The following WDR20 variants were observed in gnomAD, a reference collection of about 807,000 sequenced individuals.
WDR20 encodes WD repeat-containing protein 20.
Under a neutral mutation model 38.7 loss-of-function variants are expected in WDR20, and 3 were observed. The observed-to-expected ratio is 0.08, with a 90% CI of 0.04 to 0.20. WDR20 has a LOEUF of 0.20. WDR20 is among the 10% of genes least tolerant of loss of function. WDR20 has a pLI of 1.00. For missense variants in WDR20, 559 were observed against 727.7 expected, an observed-to-expected ratio of 0.77 and a Z score of 2.67; for synonymous variants, 298 against 285.6, an observed-to-expected ratio of 1.04 and a Z score of -0.44.
intron 1 of WDR20, among the ~76,000 whole-genome samples, chr14:102,185,199 T>G (rs1234119371): frequency 6.6e-6 from 1 of 152,230 alleles, no homozygotes; most frequent in African/African-American, 2.4e-5. Flanking sequence ...AAAGCCCATA[T>G]GATAAGTAGC....
At chr14:102,214,374 C>G (rs527393331), downstream of WDR20, 64 of 985,250 alleles carry the variant, frequency 6.5e-5, no homozygotes, top group Admixed American at 9.2e-4. Context: ...TTAGTCTGGC[C>G]GAAGTGAAGT....
At chr14:102,217,465 GCAAGTGTGGCCCCT>G (rs1273135888), downstream of WDR20, among the ~76,000 whole-genome samples, 1 of 152,210 alleles carries the variant, frequency 6.6e-6, no homozygotes, top group Non-Finnish European at 1.5e-5. Flanking sequence ...TGGCATCTGG[GCAAGTGTGGCCCCT>G]CACTGTCACC....
At chr14:102,214,961 C>T, downstream of WDR20, 2 of 985,038 alleles carry the variant, frequency 2.0e-6, no homozygotes, top group Non-Finnish European at 2.4e-6. Flanking sequence ...TGGGGCTGTC[C>T]TCTGTATACT....
At chr14:102,174,420 T>G (rs1208738170) in intron 1 of WDR20, among the ~76,000 whole-genome samples, 6 of 152,094 alleles carry the variant, frequency 3.9e-5, no homozygotes, top group African/African-American at 1.4e-4. Context: ...TTTTATTTAT[T>G]TATTATTATT....
At chr14:102,142,176 G>A (rs1346745066) in intron 1 of WDR20, among the ~76,000 whole-genome samples, 1 of 152,144 alleles carries the variant, frequency 6.6e-6, no homozygotes, top group Non-Finnish European at 1.5e-5. Context: ...GTGTTTTAAC[G>A]CTTTTTGGGT....
chr14:102,224,208 A>T (rs1458805970), downstream of WDR20, among the ~76,000 whole-genome samples: 1 of 151,746 alleles, frequency 6.6e-6, no homozygotes, highest in Non-Finnish European at 1.5e-5. Context: ...CGCCCGGCTA[A>T]TTTTTGTATT....
intron 2 of WDR20, among the ~76,000 whole-genome samples, chr14:102,199,889 G>A (rs1038141926): frequency 9.2e-5 from 14 of 152,236 alleles, no homozygotes; most frequent in Non-Finnish European, 2.1e-4. Context: ...GAGGTACAAA[G>A]AAGGTAGGAA....
intron 1 of WDR20, among the ~76,000 whole-genome samples, chr14:102,166,766 C>T (rs780395186): frequency 2.0e-5 from 3 of 152,214 alleles, no homozygotes; most frequent in Non-Finnish European, 4.4e-5. Flanking sequence ...TGTCTTGTCA[C>T]TCATGAGACT....
chr14:102,205,310 T>C (rs1408132056), intron 2 of WDR20, among the ~76,000 whole-genome samples: 1 of 150,694 alleles, frequency 6.6e-6, no homozygotes, highest in Admixed American at 6.6e-5. Flanking sequence ...AGACAGTGCA[T>C]AGTATGCTCC....
At position 102,178,228 on chromosome 14, in the gene WDR20, C is replaced by T. The variant is rs576044356; in HGVS notation, c.250-16710C>T. Among the ~76,000 whole-genome samples, 17 of 151,960 alleles carry T rather than the reference C, an allele frequency of 1.1e-4. No homozygotes were observed. The South Asian group carries it at 3.5e-3, about 32-fold the overall frequency. On this transcript the variant is annotated intron_variant, in intron 1 of 2. Coordinates refer to ENST00000342702, the MANE Select transcript of WDR20 (RefSeq NM_144574.4). ...CTAACATGGTGAAACCCCGTCTCTA[C>T]CAAAAATATAAAAATCAGCCAGGTG...
At chr14:102,197,988 A>G (rs1331429030) in intron 2 of WDR20, 3 of 521,488 alleles carry the variant, frequency 5.8e-6, no homozygotes, top group African/African-American at 5.6e-5. Flanking sequence ...GAGGGAAGAG[A>G]GGTATAATAG....
downstream of WDR20, among the ~76,000 whole-genome samples, chr14:102,216,126 A>G (rs2063187645): frequency 6.6e-6 from 1 of 152,150 alleles, no homozygotes; most frequent in South Asian, 2.1e-4. Context: ...GAAGCTTCCC[A>G]CGGTGCTGTC....
chr14:102,192,040 G>A (rs1055859454), intron 1 of WDR20, among the ~76,000 whole-genome samples: 1 of 152,092 alleles, frequency 6.6e-6, no homozygotes. Context: ...TATTCTCAAT[G>A]TCTGTACTAC....
chr14:102,186,139 T>C (rs1257558786), intron 1 of WDR20, among the ~76,000 whole-genome samples: 2 of 152,244 alleles, frequency 1.3e-5, no homozygotes, highest in Non-Finnish European at 2.9e-5. Context: ...TTTAAACAAG[T>C]GTTAGGCTCT....
At chr14:102,172,330 A>G (rs2061014337) in intron 1 of WDR20, among the ~76,000 whole-genome samples, 1 of 150,900 alleles carries the variant, frequency 6.6e-6, no homozygotes, top group Non-Finnish European at 1.5e-5. Context: ...CACAGCAACC[A>G]TCCGATTTCT....
At chr14:102,163,983 CATT>C (rs1005791239) in intron 1 of WDR20, among the ~76,000 whole-genome samples, 2 of 152,150 alleles carry the variant, frequency 1.3e-5, no homozygotes, top group African/African-American at 4.8e-5. Flanking sequence ...AGACTGAAGG[CATT>C]ATTAGCTCAG....
chr14:102,153,791 G>A (rs1006305298), intron 1 of WDR20, among the ~76,000 whole-genome samples: 1 of 152,138 alleles, frequency 6.6e-6, no homozygotes, highest in African/African-American at 2.4e-5. Flanking sequence ...GCTCCTTCTT[G>A]CTGTTTAGAT....
At position 102,222,416 on chromosome 14, in the gene WDR20, G is replaced by T. The variant is rs369229887; in HGVS notation, c.1693-414G>T. Among the ~76,000 whole-genome samples the T allele has an allele frequency of 6.6e-6, 1 of 152,222 alleles. No homozygotes were observed. The highest frequency in any genetic ancestry group is 2.4e-5 in the African/African-American group (1 of 41,454). ...ATCCTTGGAGACAACCCCTGGCTCC[G>T]AGGGACTGGGTGTGCGGTCCAGAAC... On this transcript the variant is annotated intron_variant, in intron 3 of 3. Transcript: ENST00000335263. The surrounding 1 kb of genome is among the most constrained non-coding windows in gnomAD (Gnocchi z 4.4).
At chr14:102,177,325 A>G (rs1016633772) in intron 1 of WDR20, among the ~76,000 whole-genome samples, 17 of 152,222 alleles carry the variant, frequency 1.1e-4, no homozygotes, top group African/African-American at 4.1e-4. Context: ...TTACGTTTAC[A>G]GAAGCTGTGA....
Sources: allele counts gnomAD v4.1 joint callset (sites outside exome capture counted in the v4.1 genomes callset), GRCh38; gene constraint gnomAD v4.1.1; non-coding constraint Gnocchi (gnomAD v3.1); transcripts MANE v1.5; gene names NCBI Gene and HGNC (gene_info 2026-07-23, HGNC 2026-07-21).